The following FAM227B variants were observed in gnomAD, a reference collection of about 807,000 sequenced individuals.
FAM227B encodes protein FAM227B.
A neutral mutation model predicts 73.8 loss-of-function variants in FAM227B; 88 were observed. That is an observed-to-expected ratio of 1.19 (90% confidence interval 1.00 to 1.42). The LOEUF (loss-of-function observed/expected upper bound fraction) is 1.42. Ranked by LOEUF, FAM227B falls within the 40% of genes most tolerant of loss-of-function variation. The probability of loss-of-function intolerance (pLI) is 0.00; values close to 1 mark genes in which losing one functional copy is unlikely to be tolerated. For missense variants in FAM227B, 632 were observed against 590.9 expected, an observed-to-expected ratio of 1.07 and a Z score of -0.72; for synonymous variants, 210 against 190.5, an observed-to-expected ratio of 1.10 and a Z score of -0.84.
At chr15:49,503,678 CTCA>C (rs1567423185) in intron 11 of FAM227B, among the ~76,000 whole-genome samples, 1 of 152,080 alleles carries the variant, frequency 6.6e-6, no homozygotes, top group African/African-American at 2.4e-5. Flanking sequence ...TGAAAAAATG[CTCA>C]TCATCACTGG....
chr15:49,595,583 A>G (rs1439496269), intron 3 of FAM227B, among the ~76,000 whole-genome samples: 1 of 151,890 alleles, frequency 6.6e-6, no homozygotes, highest in Non-Finnish European at 1.5e-5. Flanking sequence ...TGTGGGTTTG[A>G]CATAGCTTTT....
At chr15:49,473,305 G>T (rs558243643) in intron 11 of FAM227B, among the ~76,000 whole-genome samples, 1 of 152,140 alleles carries the variant, frequency 6.6e-6, no homozygotes, top group African/African-American at 2.4e-5. Context: ...GTCATATGCT[G>T]CTAAATTTAT....
rs188838086 is a variant in FAM227B at position 49,327,842 on chromosome 15, G to A, written c.*726C>T. 155 of 970,294 alleles carry A rather than the reference G, an allele frequency of 1.6e-4. No homozygotes were observed. Among genetic ancestry groups the A allele is most frequent in the African/African-American group, 1.6e-3 (96 of 61,206 alleles). The allele number at this position is 970,294 out of a possible 1,614,324, so 60.1% of individuals were successfully genotyped here. ...ATGTTTGATGACACCTAAAAACCCC[G>A]CATGTATTTTCTTCTTAGAACTTAG... On this transcript the variant is annotated 3_prime_UTR_variant, in exon 16 of 16. Transcript: ENST00000299338.
chr15:49,348,500 A>G (rs1414796397), intron 13 of FAM227B, among the ~76,000 whole-genome samples: 1 of 152,216 alleles, frequency 6.6e-6, no homozygotes, highest in East Asian at 1.9e-4. Context: ...TTCAATAAAC[A>G]GGACTTTAGC....
chr15:49,368,873 A>G (rs2045572841), intron 12 of FAM227B, among the ~76,000 whole-genome samples: 1 of 152,188 alleles, frequency 6.6e-6, no homozygotes, highest in African/African-American at 2.4e-5. Flanking sequence ...TTCCTCTATA[A>G]GAGTTCATGG....
intron 11 of FAM227B, among the ~76,000 whole-genome samples, chr15:49,456,941 A>G (rs1453725550): frequency 6.6e-6 from 1 of 152,122 alleles, no homozygotes; most frequent in Non-Finnish European, 1.5e-5. Context: ...AGATACCTTC[A>G]TATTATAGAG....
At chr15:49,427,042 G>T (rs2050191810) in intron 11 of FAM227B, among the ~76,000 whole-genome samples, 1 of 151,914 alleles carries the variant, frequency 6.6e-6, no homozygotes, top group South Asian at 2.1e-4. Context: ...GGTACAGAGG[G>T]AAATGCTACA....
rs139422415 is a variant in FAM227B, at chr15:49,611,253, G to A, written c.67C>T (p.Pro23Ser). 138 of 1,590,792 alleles carry A rather than the reference G, an allele frequency of 8.7e-5. No individual in the cohort carries two copies. Among genetic ancestry groups the A allele is most frequent in the Non-Finnish European group, 1.1e-4 (126 of 1,162,612 alleles). ...TTTAAGAATTCTTCAATGCTCTTTG[G>A]AGGTTCTTGCATTTTCTAATAAAGT... ...RAGPGKMQEPPKSIEEFLKFQ... is the reference protein window; with the variant it reads ...RAGPGKMQEPSKSIEEFLKFQ... Residue 23 changes from proline (P) to serine (S), a missense_variant, in exon 3 of 16, where the codon CCA (proline) becomes TCA (serine). Pro to Ser is a moderately conservative substitution (Grantham distance 74). Coordinates refer to ENST00000299338, the MANE Select transcript of FAM227B (RefSeq NM_152647.3).
intron 9 of FAM227B, among the ~76,000 whole-genome samples, chr15:49,552,222 C>A (rs62021581): frequency 0.27 from 40,367 of 152,042 alleles, 5,615 homozygotes; most frequent in East Asian, 0.38. Context: ...CTTTATCTTT[C>A]CTTCATGTTT....
chr15:49,377,486 G>A (rs1462101662), intron 11 of FAM227B, among the ~76,000 whole-genome samples: 3 of 152,118 alleles, frequency 2.0e-5, no homozygotes, highest in African/African-American at 7.2e-5. Context: ...TCCACAAACA[G>A]TGTATGAGGG....
At chr15:49,366,254 T>C (rs762102903) in intron 13 of FAM227B, 3 of 786,454 alleles carry the variant, frequency 3.8e-6, no homozygotes, top group Non-Finnish European at 7.1e-6. Context: ...ATCTATAAAG[T>C]CTTTGTCACT....
intron 3 of FAM227B, among the ~76,000 whole-genome samples, chr15:49,602,791 A>C (rs562940279): frequency 6.6e-6 from 1 of 152,180 alleles, no homozygotes; most frequent in African/African-American, 2.4e-5. Flanking sequence ...CCTAAATTTA[A>C]GTCTTTAATC....
chr15:49,553,567 G>A (rs942866470), intron 9 of FAM227B, among the ~76,000 whole-genome samples: 4 of 152,184 alleles, frequency 2.6e-5, no homozygotes, highest in African/African-American at 9.7e-5. Context: ...CTGGGAGCCA[G>A]AGACTAAAGA....
intron 10 of FAM227B, among the ~76,000 whole-genome samples, chr15:49,515,139 T>C (rs1434367020): frequency 1.3e-5 from 2 of 152,086 alleles, no homozygotes; most frequent in Non-Finnish European, 2.9e-5. Context: ...GTCTTACAGG[T>C]CTTGGATGCT....
intron 3 of FAM227B, among the ~76,000 whole-genome samples, chr15:49,600,125 C>T (rs2077099261): frequency 1.3e-5 from 2 of 152,088 alleles, no homozygotes; most frequent in South Asian, 2.1e-4. Flanking sequence ...TTGTTAGACA[C>T]TCTTTGCAAA....
chr15:49,518,851 T>G (rs2059575628), intron 10 of FAM227B, among the ~76,000 whole-genome samples: 1 of 152,146 alleles, frequency 6.6e-6, no homozygotes, highest in Non-Finnish European at 1.5e-5. Flanking sequence ...ATCATGCCCT[T>G]GCAACAGTCC....
chr15:49,588,325 G>A (rs574297173), intron 4 of FAM227B, among the ~76,000 whole-genome samples: 1 of 150,078 alleles, frequency 6.7e-6, no homozygotes, highest in African/African-American at 2.4e-5. Flanking sequence ...CATGTCTGTG[G>A]CACTTACTCC....
At chr15:49,509,227 T>C (rs188896027) in intron 10 of FAM227B, among the ~76,000 whole-genome samples, 2 of 152,316 alleles carry the variant, frequency 1.3e-5, no homozygotes, top group Admixed American at 1.3e-4. Flanking sequence ...TCTGAATTGG[T>C]TGGTTTGTTT....
intron 11 of FAM227B, among the ~76,000 whole-genome samples, chr15:49,409,741 T>C (rs1428257253): frequency 6.6e-6 from 1 of 152,082 alleles, no homozygotes; most frequent in African/African-American, 2.4e-5. Flanking sequence ...TCCACTTCTT[T>C]CCCTGTTCTG....
Sources: allele counts gnomAD v4.1 joint callset (sites outside exome capture counted in the v4.1 genomes callset), GRCh38; gene constraint gnomAD v4.1.1; transcripts MANE v1.5; gene names NCBI Gene and HGNC (gene_info 2026-07-23, HGNC 2026-07-21).